The following MAU2 variants were observed in gnomAD, a reference collection of about 807,000 sequenced individuals.
MAU2 encodes the protein MAU2 sister chromatid cohesion factor.
A neutral mutation model predicts 89.1 loss-of-function variants in MAU2; 9 were observed. The ratio of observed to expected loss-of-function variants is 0.10; its 90% confidence interval spans 0.06 to 0.18. MAU2 has a LOEUF of 0.18. MAU2 is among the 10% of genes least tolerant of loss of function. The pLI is 1.00. For synonymous variants in MAU2, 357 were observed against 343.4 expected (o/e 1.04, Z -0.44); for missense variants, 425 against 803.5 (o/e 0.53, Z 5.69).
In MAU2 at chr19:19,333,610, A is replaced by G. The variant is rs1016255343; in HGVS notation, c.277-2108A>G. 7.2e-5 allele frequency among the ~76,000 whole-genome samples: 11 copies of G among 152,288 alleles called. No homozygotes were observed. In the East Asian group the frequency reaches 1.5e-3, roughly 21 times the overall value. ...ATTCTGAGGCATGAAGTGACTGGAC[A>G]TGTCCTTTTGAAGTCTACCCGCCAC... is the stretch of plus-strand genomic sequence containing the variant. On this transcript the variant is annotated intron_variant, in intron 1 of 18. Coordinates refer to ENST00000262815, the MANE Select transcript of MAU2 (RefSeq NM_015329.4).
At chr19:19,328,291 T>C (rs2061527805) in intron 1 of MAU2, among the ~76,000 whole-genome samples, 1 of 152,066 alleles carries the variant, frequency 6.6e-6, no homozygotes, top group Non-Finnish European at 1.5e-5. Context: ...TTCATTCTTC[T>C]CCTCTCTTCC....
chr19:19,325,096 A>C (rs182328980), intron 1 of MAU2, among the ~76,000 whole-genome samples: 136 of 152,296 alleles, frequency 8.9e-4, no homozygotes, highest in African/African-American at 3.2e-3. Context: ...CCAGTGTAAC[A>C]GTATTTTGCA....
chr19:19,355,499 C>CT, intron 18 of MAU2, 108 bp downstream of exon 18: 2 of 1,494,482 alleles, frequency 1.3e-6, no homozygotes, highest in Non-Finnish European at 1.8e-6. Context: ...AACCCTAACT[C>CT]AGCCTCAGGT....
chr19:19,343,256 A>C (rs1204050982), intron 9 of MAU2, among the ~76,000 whole-genome samples: 1 of 152,212 alleles, frequency 6.6e-6, no homozygotes, highest in East Asian at 1.9e-4. Flanking sequence ...TCAAGTGTCT[A>C]ATCCATCCAG....
chr19:19,350,916 A>C (rs2061738947), intron 16 of MAU2, among the ~76,000 whole-genome samples: 1 of 148,690 alleles, frequency 6.7e-6, no homozygotes, highest in African/African-American at 2.5e-5. Context: ...AAAAAAAAAG[A>C]TATTTTTGGC....
chr19:19,337,124 G>GTTTTTTTTTTTTTTTT, intron 3 of MAU2, 46 bp from the exon 4 acceptor site: 1 of 1,161,260 alleles, frequency 8.6e-7, no homozygotes, highest in Non-Finnish European at 1.2e-6. Context: ...TTGCCGCCTT[G>GTTTTTTTTTTTTTTTT]TTTTTTTTTT....
intron 1 of MAU2, among the ~76,000 whole-genome samples, chr19:19,323,537 C>T (rs1011980272): frequency 2.6e-5 from 4 of 151,972 alleles, no homozygotes; most frequent in African/African-American, 9.7e-5. Flanking sequence ...GACAGGGTCT[C>T]GCTCCATCAC....
chr19:19,327,709 T>C (rs1278631174), intron 1 of MAU2, among the ~76,000 whole-genome samples: 3 of 151,984 alleles, frequency 2.0e-5, no homozygotes, highest in Non-Finnish European at 2.9e-5. Flanking sequence ...TCACAGTAGT[T>C]GGTGTCTCGG....
intron 9 of MAU2, 42 bp downstream of exon 9, chr19:19,342,908 C>A: frequency 1.2e-6 from 2 of 1,605,132 alleles, no homozygotes; most frequent in Non-Finnish European, 1.7e-6. Flanking sequence ...ACAGCGACCC[C>A]TGGCGGACGG....
At chr19:19,343,031 G>C (rs368059549) in intron 9 of MAU2, among the ~76,000 whole-genome samples, 165 bp downstream of exon 9, 2 of 152,164 alleles carry the variant, frequency 1.3e-5, no homozygotes, top group Admixed American at 1.3e-4. Context: ...GGTGTCCAAC[G>C]TCAGAGCAGA....
chr19:19,344,422 AC>A, intron 10 of MAU2: 1 of 232,014 alleles, frequency 4.3e-6, no homozygotes, highest in Non-Finnish European at 8.6e-6. Flanking sequence ...AAAAAAAAAA[AC>A]CCAAAAAACT....
At chr19:19,338,791 A>G (rs2061617067) in intron 4 of MAU2, 54 bp from the exon 5 acceptor site, 5 of 1,337,864 alleles carry the variant, frequency 3.7e-6, no homozygotes, top group Non-Finnish European at 4.2e-6. Flanking sequence ...GAAGGCAGGT[A>G]CCGTAAAACT....
At chr19:19,321,633 A>G (rs2061457913) in intron 1 of MAU2, 1 of 153,156 alleles carries the variant, frequency 6.5e-6, no homozygotes, top group Admixed American at 6.5e-5. Flanking sequence ...GGAACCTGGA[A>G]GGGCATGATT....
rs1221239018 is a variant in MAU2 at position 19,333,751 on chromosome 19, G to A, written c.277-1967G>A. ...GGGGGAATTCACGTGTTGACTGGTC[G>A]CCTTGCTTACCTCTGCTGGGATGCA... On this transcript the variant is annotated intron_variant, in intron 1 of 18. Transcript: ENST00000262815. Among the ~76,000 whole-genome samples the A allele has an allele frequency of 5.9e-5, 9 of 152,220 alleles. No individual in the cohort carries two copies. In the East Asian group the frequency reaches 1.3e-3, roughly 23 times the overall value.
chr19:19,328,643 G>A (rs1181525493), intron 1 of MAU2, among the ~76,000 whole-genome samples: 5 of 151,924 alleles, frequency 3.3e-5, no homozygotes, highest in Admixed American at 1.3e-4. Context: ...GGATGGTTTC[G>A]ATCTCCTGAC....
chr19:19,353,465 G>A (rs1166236211), intron 16 of MAU2: 1 of 152,230 alleles, frequency 6.6e-6, no homozygotes, highest in East Asian at 1.9e-4. Flanking sequence ...GCAGTGTAGA[G>A]TTGTTGGGCT....
rs775951559 is a variant in MAU2, at chr19:19,342,882, G to T, written c.973+16G>T. On this transcript the variant is annotated intron_variant, in intron 9 of 18. Transcript: ENST00000262815. ...AAGCTCAAGAGTAAGTCAGGTGCTCGGCTGGCCACATGGCCACAGCGACCC... is the reference window on the plus strand; with the variant it reads ...AAGCTCAAGAGTAAGTCAGGTGCTCTGCTGGCCACATGGCCACAGCGACCC... 1.9e-6 allele frequency: 3 copies of T among 1,613,056 alleles called. No homozygotes were observed. The highest frequency in any genetic ancestry group is 1.3e-5 in the African/African-American group (1 of 75,034).
chr19:19,355,089 G>A, intron 17 of MAU2, 175 bp from the exon 18 acceptor site: 1 of 784,612 alleles, frequency 1.3e-6, no homozygotes, highest in Non-Finnish European at 2.0e-6. Flanking sequence ...TATGAGGGCG[G>A]CTGGCGCATG....
chr19:19,328,561 G>T (rs1314790581), intron 1 of MAU2, among the ~76,000 whole-genome samples: 1 of 151,664 alleles, frequency 6.6e-6, no homozygotes, highest in African/African-American at 2.4e-5. Context: ...AGCTGGGACT[G>T]CAGGCGCCCA....
Sources: allele counts gnomAD v4.1 joint callset (sites outside exome capture counted in the v4.1 genomes callset), GRCh38; gene constraint gnomAD v4.1.1; transcripts MANE v1.5; gene names NCBI Gene and HGNC (gene_info 2026-07-23, HGNC 2026-07-21).